The following SH3BP1 variants were observed in gnomAD, a reference collection of about 807,000 sequenced individuals.
SH3BP1 encodes the protein SH3 domain binding protein 1.
In SH3BP1, 46 loss-of-function variants were observed where a neutral mutation model predicts 69.8. The observed-to-expected ratio is 0.66, with a 90% CI of 0.52 to 0.84. The LOEUF is 0.84. Among genes scored for constraint, SH3BP1 ranks in the 40% least tolerant of loss-of-function variants. SH3BP1 has a pLI of 0.00. For synonymous variants in SH3BP1, 403 were observed against 378.0 expected, an observed-to-expected ratio of 1.07 and a Z score of -0.77; for missense variants, 868 against 930.9, an observed-to-expected ratio of 0.93 and a Z score of 0.88.
At chr22:37,651,455 G>A (rs8138628) in intron 16 of SH3BP1, among the ~76,000 whole-genome samples, 60,091 of 150,826 alleles carry the variant, frequency 0.4, 12,999 homozygotes, top group Middle Eastern at 0.53. Flanking sequence ...TTAGCCTCCC[G>A]AATAGCTGTG....
chr22:37,646,874 G>T lies in SH3BP1; in HGVS notation c.981G>T (p.Met327Ile). The T allele has an allele frequency of 6.4e-7, 1 of 1,565,944 alleles. No homozygotes were observed. Among genetic ancestry groups the T allele is most frequent in the South Asian group, 1.2e-5 (1 of 85,680 alleles). Residue 327 changes from methionine (M) to isoleucine (I), a missense_variant, in exon 11 of 18, where the codon ATG becomes ATT. By Grantham distance (10) the Met-to-Ile change is conservative. This residue lies in a region of SH3BP1 where 387 missense variants were observed against 447.9 expected (regional missense o/e 0.86). Transcript: ENST00000649765. The stretch of plus-strand genomic sequence containing the variant: ...TGCTGAAGCGTCTCAAGCAGACAAT[G>T]GCCTCGGACCCCCACAGCCTGGAGG... Reference protein sequence around the residue: ...ASVLKRLKQTMASDPHSLEEF... With the variant: ...ASVLKRLKQTIASDPHSLEEF...
chr22:37,652,882 T>C (rs572179964), intron 16 of SH3BP1, among the ~76,000 whole-genome samples: 177 of 147,494 alleles, frequency 1.2e-3, no homozygotes, highest in South Asian at 9.9e-3. Flanking sequence ...ACACCTGTAA[T>C]CCCAGCACTT....
At position 37,642,875 on chromosome 22, in the gene SH3BP1, A is replaced by G. The variant is rs1430420868; in HGVS notation, c.285-20A>G. On this transcript the variant is annotated intron_variant, in intron 4 of 17. Transcript: ENST00000649765. ...GTGAGGGCAGCGGGCGCCTGGACCCATGGGGTGCCGTGTCCACAGGAAGGC... is the reference window on the plus strand; with the variant it reads ...GTGAGGGCAGCGGGCGCCTGGACCCGTGGGGTGCCGTGTCCACAGGAAGGC... 1.2e-6 allele frequency: 2 copies of G among 1,607,728 alleles called. No homozygotes were observed. The highest frequency in any genetic ancestry group is 1.7e-6 in the Non-Finnish European group (2 of 1,176,206).
chr22:37,640,857 G>A (rs1932558495), intron 1 of SH3BP1: 1 of 510,126 alleles, frequency 2.0e-6, no homozygotes, highest in African/African-American at 2.0e-5. Flanking sequence ...GGGTCTCTCA[G>A]CCTCCCCTTT....
In SH3BP1 at chr22:37,655,761, C is replaced by T. The variant is rs958046558; in HGVS notation, c.*77C>T. 1 of 1,446,790 alleles carries T rather than the reference C, an allele frequency of 6.9e-7. No individual in the cohort carries two copies. The highest frequency in any genetic ancestry group is 9.1e-7 in the Non-Finnish European group (1 of 1,104,024). The allele number at this position is 1,446,790 out of a possible 1,614,324, so 89.6% of individuals were successfully genotyped here. ...GCCCTCCCAGGACAGCTCTCGCCCCCCACAAAGGGGCATGGGCCTCCAGCC... is the reference window on the plus strand; with the variant it reads ...GCCCTCCCAGGACAGCTCTCGCCCCTCACAAAGGGGCATGGGCCTCCAGCC... On this transcript the variant is annotated 3_prime_UTR_variant, in exon 18 of 18. Transcript: ENST00000649765.
chr22:37,649,998 A>C, intron 14 of SH3BP1, 154 bp from the exon 15 acceptor site: 1 of 813,998 alleles, frequency 1.2e-6, no homozygotes, highest in Admixed American at 1.8e-5. Context: ...TTGGCATGTG[A>C]GTGACACATT....
chr22:37,647,924 C>T (rs1471175247), intron 13 of SH3BP1, among the ~76,000 whole-genome samples: 2 of 152,260 alleles, frequency 1.3e-5, no homozygotes, highest in East Asian at 3.9e-4. Flanking sequence ...GATCCACCCG[C>T]CTCAGCCTCC....
intron 1 of SH3BP1, chr22:37,640,850 T>G: frequency 2.0e-6 from 1 of 490,052 alleles, no homozygotes; most frequent in Non-Finnish European, 3.6e-6. Context: ...CCCGGGTGGG[T>G]CTCTCAGCCT....
In SH3BP1 at chr22:37,655,899, C is replaced by T. The variant is rs1933027709; in HGVS notation, c.*215C>T. 12 of 1,561,602 alleles carry T rather than the reference C, an allele frequency of 7.7e-6. No homozygotes were observed. Among genetic ancestry groups the T allele is most frequent in the Non-Finnish European group, 1.0e-5 (12 of 1,161,130 alleles). On this transcript the variant is annotated 3_prime_UTR_variant, in exon 18 of 18. Coordinates refer to ENST00000649765, the MANE Select transcript of SH3BP1 (RefSeq NM_018957.6). ...CGTCCACCCTGGGCTTGGGGACCCCCCCACCGGACTCTCCACTCTCCGGCA... is the reference window on the plus strand; with the variant it reads ...CGTCCACCCTGGGCTTGGGGACCCCTCCACCGGACTCTCCACTCTCCGGCA...
intron 17 of SH3BP1, among the ~76,000 whole-genome samples, chr22:37,654,420 A>C (rs1236916387): frequency 6.6e-6 from 1 of 151,888 alleles, no homozygotes; most frequent in Non-Finnish European, 1.5e-5. Context: ...AAAATACAAA[A>C]ATTAGCTGGG....
chr22:37,649,864 A>G, intron 14 of SH3BP1: 1 of 527,086 alleles, frequency 1.9e-6, no homozygotes, highest in South Asian at 2.0e-5. Context: ...CTGGCCACAG[A>G]TGGCAAGATT....
rs370873197 is a variant in SH3BP1 at position 37,647,404 on chromosome 22, C to T, written c.1119-37C>T. On this transcript the variant is annotated intron_variant, in intron 12 of 17. Coordinates refer to ENST00000649765, the MANE Select transcript of SH3BP1 (RefSeq NM_018957.6). ...GAGGAGGAGGATGCAAAGGTGTAGC[C>T]CTGCGCTGGCTGACAGGTCTCTCCA... 3.7e-6 allele frequency: 6 copies of T among 1,611,628 alleles called. No homozygotes were observed. In the African/African-American group the frequency reaches 6.7e-5, roughly 18 times the overall value.
chr22:37,647,541 C>A lies in SH3BP1; in HGVS notation c.1199+20C>A, dbSNP rs77474872. 5,803 of 1,576,430 alleles carry A rather than the reference C, an allele frequency of 3.7e-3. 220 individuals are homozygous for A. In the African/African-American group the frequency reaches 0.071, roughly 19 times the overall value. On this transcript the variant is annotated intron_variant, in intron 13 of 17. Transcript: ENST00000649765. ...CCTCAGGTGAGCCCGAGCCCGCCTC[C>A]CCAGCCTGCCGCAGAGCCAGAGCCC...
chr22:37,655,281 CG>C lies in SH3BP1; in HGVS notation c.1705del (p.Ala569ArgfsTer89). The C allele has an allele frequency of 6.3e-7, 1 of 1,581,832 alleles. No individual in the cohort carries two copies. On this transcript the variant is annotated frameshift_variant, in exon 18 of 18. Transcript: ENST00000649765. LOFTEE classifies it low-confidence loss of function (END_TRUNC). ...TTTCCTTCCTCAACAGCCAAGCGCC[CG>C]GCGCCAGCCCGGCCCACCATGCCGC... is the stretch of plus-strand genomic sequence containing the variant. ...VEDMARRTKR[P>X]APARPTMPPP...
rs1418472897 is a variant in SH3BP1, at chr22:37,646,805, C to G, written c.925-13C>G. On this transcript the variant is annotated splice_polypyrimidine_tract_variant and intron_variant, in intron 10 of 17. Transcript: ENST00000649765. ...CCCCTCTGTGACCCTTGCCTGCCTC[C>G]TCTCGAACCCAGGGTCTCTTCCGTC... The G allele has an allele frequency of 6.7e-7, 1 of 1,498,848 alleles. No homozygotes were observed. The highest frequency in any genetic ancestry group is 1.4e-5 in the African/African-American group (1 of 72,072). The allele number at this position is 1,498,848 out of a possible 1,614,324, so 92.8% of individuals were successfully genotyped here.
chr22:37,639,693 G>A lies in SH3BP1; in HGVS notation c.-95G>A. The A allele has an allele frequency of 1.3e-6, 1 of 758,192 alleles. No homozygotes were observed. Among genetic ancestry groups the A allele is most frequent in the East Asian group, 3.4e-5 (1 of 29,340 alleles). The allele number at this position is 758,192 out of a possible 1,614,324, so 47.0% of individuals were successfully genotyped here. On this transcript the variant is annotated 5_prime_UTR_variant, in exon 1 of 18. Coordinates refer to ENST00000649765, the MANE Select transcript of SH3BP1 (RefSeq NM_018957.6). The stretch of plus-strand genomic sequence containing the variant: ...CGAGAGCGCCGCCCACCCATCCGGG[G>A]CAAGAGCCGCGCCGCAGGAGAGGCA...
intron 1 of SH3BP1, 74 bp downstream of exon 1, chr22:37,639,920 C>CG: frequency 2.1e-6 from 1 of 475,068 alleles, no homozygotes; most frequent in Non-Finnish European, 4.0e-6. Context: ...TCGGGGGAGA[C>CG]GGGGGTGGGG....
At chr22:37,642,506 G>T in intron 3 of SH3BP1, 33 bp from the exon 4 acceptor site, 1 of 1,609,438 alleles carries the variant, frequency 6.2e-7, no homozygotes, top group South Asian at 1.1e-5. Context: ...AGGGAGGCAC[G>T]GACACTCATC....
At position 37,650,589 on chromosome 22, in the gene SH3BP1, G is replaced by T; in HGVS notation, c.1462G>T (p.Asp488Tyr). The T allele has an allele frequency of 6.2e-7, 1 of 1,614,024 alleles. No individual in the cohort carries two copies. The highest frequency in any genetic ancestry group is 8.5e-7 in the Non-Finnish European group (1 of 1,179,982). Residue 488 changes from aspartate (D) to tyrosine (Y), a missense_variant, in exon 16 of 18, where the codon GAC (aspartate) becomes TAC (tyrosine). Around this residue, in one of 3 missense-constraint regions of SH3BP1, gnomAD observed 474 missense variants for 462.3 expected, o/e 1.03. Coordinates refer to ENST00000649765, the MANE Select transcript of SH3BP1 (RefSeq NM_018957.6). ...CCTCTTCTCAGCTGTTACCCTCCAG[G>T]ACACAGTCAGTGACAGGCTGGCCTC... The part of the protein sequence containing the change: ...SGLFSAVTLQ[D>Y]TVSDRLASEE...
Sources: allele counts gnomAD v4.1 joint callset (sites outside exome capture counted in the v4.1 genomes callset), GRCh38; gene constraint gnomAD v4.1.1; regional missense constraint gnomAD v4.1.1; transcripts MANE v1.5; gene names NCBI Gene and HGNC (gene_info 2026-07-23, HGNC 2026-07-21).